The following ATXN10 variants were observed in gnomAD, a reference collection of about 807,000 sequenced individuals.
ATXN10 encodes the protein ataxin 10.
Under a neutral mutation model 52.9 loss-of-function variants are expected in ATXN10, and 28 were observed. That is an observed-to-expected ratio of 0.53 (90% CI 0.39 to 0.73). ATXN10 has a LOEUF of 0.73. Ranked by LOEUF, ATXN10 falls within the 30% of genes least tolerant of loss-of-function variation. The pLI is 0.00. For synonymous variants in ATXN10, 226 were observed against 221.5 expected, an observed-to-expected ratio of 1.02 and a Z score of -0.18; for missense variants, 565 against 577.0, an observed-to-expected ratio of 0.98 and a Z score of 0.21.
intron 7 of ATXN10, among the ~76,000 whole-genome samples, chr22:45,734,166 C>T (rs1012695962): frequency 2.0e-4 from 30 of 151,816 alleles, no homozygotes; most frequent in African/African-American, 7.3e-4. Flanking sequence ...GTTATAAATT[C>T]CTGGAGTTGA....
At chr22:45,797,870 T>A (rs1218053604) in intron 9 of ATXN10, among the ~76,000 whole-genome samples, 7 of 152,084 alleles carry the variant, frequency 4.6e-5, no homozygotes, top group Non-Finnish European at 8.8e-5. Flanking sequence ...AGAGGAGACA[T>A]CATTATAGAT....
At position 45,795,065 on chromosome 22, in the gene ATXN10, A is replaced by G. The variant is rs1236748448; in HGVS notation, c.1174-11894A>G. Among the ~76,000 whole-genome samples the G allele has an allele frequency of 6.6e-6, 1 of 152,174 alleles. No individual in the cohort carries two copies. Among genetic ancestry groups the G allele is most frequent in the African/African-American group, 2.4e-5 (1 of 41,446 alleles). ...TACAGTTACAACATTCTTATATTGTATGTGGGGTAGTATGGTATTATTTGT... is the reference window on the plus strand; with the variant it reads ...TACAGTTACAACATTCTTATATTGTGTGTGGGGTAGTATGGTATTATTTGT... On this transcript the variant is annotated intron_variant, in intron 9 of 11. Transcript: ENST00000252934. The surrounding 1 kb of genome is among the most constrained non-coding windows in gnomAD (Gnocchi z 4.6).
rs528029204 is a variant in ATXN10 at position 45,827,982 on chromosome 22, C to T, written c.1238-15009C>T. 2.6e-5 allele frequency among the ~76,000 whole-genome samples: 4 copies of T among 152,192 alleles called. No individual in the cohort carries two copies. In the East Asian group the frequency reaches 7.7e-4, roughly 29 times the overall value. ...GAAATAGAACTAAAACTGGACTATT[C>T]ACAAATTTATGGAAATTAAAAAACA... is the stretch of plus-strand genomic sequence containing the variant. On this transcript the variant is annotated intron_variant, in intron 10 of 11. Transcript: ENST00000252934.
intron 3 of ATXN10, among the ~76,000 whole-genome samples, chr22:45,699,684 G>A (rs914343087): frequency 6.6e-6 from 1 of 151,328 alleles, no homozygotes; most frequent in Admixed American, 6.6e-5. Context: ...TAGTGACGGG[G>A]TTTCATCACG....
intron 10 of ATXN10, among the ~76,000 whole-genome samples, chr22:45,832,107 CCTG>C (rs1204807097): frequency 1.2e-4 from 19 of 152,180 alleles, no homozygotes; most frequent in Admixed American, 1.2e-3. Flanking sequence ...ATTATGGACT[CCTG>C]CTCCCTTGTT....
rs562827760 is a variant in ATXN10, at chr22:45,687,472, C to T, written c.117-2240C>T. The stretch of plus-strand genomic sequence containing the variant: ...AGGATCAGGTGAAAGAAATAATTCT[C>T]GCTGCTTTCTTACAGCTGTAAATAC... On this transcript the variant is annotated intron_variant, in intron 1 of 11. Transcript: ENST00000252934. Among the ~76,000 whole-genome samples, 4 of 152,286 alleles carry T rather than the reference C, an allele frequency of 2.6e-5. No individual in the cohort carries two copies. The South Asian group carries it at 6.2e-4, about 24-fold the overall frequency.
At chr22:45,723,201 G>A (rs5765590) in intron 6 of ATXN10, among the ~76,000 whole-genome samples, 1 of 152,034 alleles carries the variant, frequency 6.6e-6, no homozygotes, top group East Asian at 1.9e-4. Context: ...ACTTATGATA[G>A]AGATATATAT....
At chr22:45,693,951 G>T (rs1482378247) in intron 3 of ATXN10, among the ~76,000 whole-genome samples, 2 of 152,202 alleles carry the variant, frequency 1.3e-5, no homozygotes, top group Admixed American at 1.3e-4. Context: ...TCAGTCTGTG[G>T]TAAGACTTTT....
chr22:45,710,291 C>A (rs1248100923), intron 5 of ATXN10, among the ~76,000 whole-genome samples: 1 of 152,188 alleles, frequency 6.6e-6, no homozygotes, highest in African/African-American at 2.4e-5. Flanking sequence ...CAAGTTTGTT[C>A]TGTCCTGAAT....
Position 45,840,659 on chromosome 22 carries a change from T to A in ATXN10, c.1238-2332T>A, listed in dbSNP as rs977404355. Among the ~76,000 whole-genome samples the A allele has an allele frequency of 6.6e-6, 1 of 152,156 alleles. No individual in the cohort carries two copies. Among genetic ancestry groups the A allele is most frequent in the Non-Finnish European group, 1.5e-5 (1 of 68,030 alleles). On this transcript the variant is annotated intron_variant, in intron 10 of 11. Transcript: ENST00000252934. This position sits in a 1 kb window ranked among gnomAD's most constrained non-coding sequence, Gnocchi z 5.8. ...TGGAGCAGTTTGATAGTCCCTTTCC[T>A]CCAGAGACATCCTGCGTTTGCTGCT...
chr22:45,738,753 T>C lies in ATXN10; in HGVS notation c.917T>C (p.Leu306Pro), dbSNP rs888754026. Residue 306 changes from leucine (L) to proline (P), a missense_variant, in exon 8 of 12, where the codon CTT becomes CCT. By Grantham distance (98) the Leu-to-Pro change is moderately conservative. Transcript: ENST00000252934. The stretch of plus-strand genomic sequence containing the variant: ...TAGGAGGCACTGGCTACAATTAGGC[T>C]TCTCGACGTCCTGTGCGAAATGACT... ...DDEEALATIRLLDVLCEMTVN... is the reference protein window; with the variant it reads ...DDEEALATIRPLDVLCEMTVN... 2 of 1,614,134 alleles carry C rather than the reference T, an allele frequency of 1.2e-6. No individual in the cohort carries two copies. The highest frequency in any genetic ancestry group is 1.7e-6 in the Non-Finnish European group (2 of 1,179,996).
chr22:45,832,633 G>A (rs1436127003), intron 10 of ATXN10, among the ~76,000 whole-genome samples: 1 of 152,200 alleles, frequency 6.6e-6, no homozygotes, highest in African/African-American at 2.4e-5. Context: ...TTTTGCCTTC[G>A]TATTTATTAA....
chr22:45,708,282 G>A lies in ATXN10; in HGVS notation c.647+5435G>A, dbSNP rs1924116309. ...CTGAAAGTCCAGTAAATGTGCACTGGTAGGTTAGGTCAGTCAGTGCAGAAT... is the reference window on the plus strand; with the variant it reads ...CTGAAAGTCCAGTAAATGTGCACTGATAGGTTAGGTCAGTCAGTGCAGAAT... On this transcript the variant is annotated intron_variant, in intron 5 of 11. Transcript: ENST00000252934. This position sits in a 1 kb window ranked among gnomAD's most constrained non-coding sequence, Gnocchi z 5.3. Among the ~76,000 whole-genome samples the A allele has an allele frequency of 6.6e-6, 1 of 152,160 alleles. No individual in the cohort carries two copies. Among genetic ancestry groups the A allele is most frequent in the African/African-American group, 2.4e-5 (1 of 41,434 alleles).
intron 10 of ATXN10, among the ~76,000 whole-genome samples, chr22:45,834,388 C>T (rs747796345): frequency 5.3e-5 from 8 of 152,172 alleles, no homozygotes; most frequent in African/African-American, 1.4e-4. Context: ...AATCCCCTAT[C>T]GTTAGGACCT....
At chr22:45,752,667 T>C (rs1215727506) in intron 9 of ATXN10, among the ~76,000 whole-genome samples, 1 of 152,122 alleles carries the variant, frequency 6.6e-6, no homozygotes, top group African/African-American at 2.4e-5. Flanking sequence ...GGTTAGGCCA[T>C]TTTCAGCGTT....
chr22:45,689,137 C>G (rs540052829), intron 1 of ATXN10, among the ~76,000 whole-genome samples: 19 of 152,318 alleles, frequency 1.2e-4, no homozygotes, highest in African/African-American at 4.3e-4. Context: ...TGTGTGTTGT[C>G]AGCCTCACTG....
At chr22:45,717,003 A>G (rs1347334926) in intron 5 of ATXN10, among the ~76,000 whole-genome samples, 1 of 152,032 alleles carries the variant, frequency 6.6e-6, no homozygotes, top group Non-Finnish European at 1.5e-5. Context: ...TGAAGCCCTA[A>G]TAGTATTTTG....
chr22:45,838,660 T>C (rs1337400735), intron 10 of ATXN10, among the ~76,000 whole-genome samples: 1 of 152,222 alleles, frequency 6.6e-6, no homozygotes, highest in African/African-American at 2.4e-5. Context: ...CTTGCTTTAA[T>C]CTCTCTCGTG....
chr22:45,713,357 G>A (rs1924324445), intron 5 of ATXN10, among the ~76,000 whole-genome samples: 1 of 152,218 alleles, frequency 6.6e-6, no homozygotes, highest in Admixed American at 6.5e-5. Flanking sequence ...TTTGGCAAGT[G>A]TGGAAAATGA....
Sources: allele counts gnomAD v4.1 joint callset (sites outside exome capture counted in the v4.1 genomes callset), GRCh38; gene constraint gnomAD v4.1.1; non-coding constraint Gnocchi (gnomAD v3.1); transcripts MANE v1.5; gene names NCBI Gene and HGNC (gene_info 2026-07-23, HGNC 2026-07-21).